CARMIL1: variants seen among roughly 807,000 people sequenced by gnomAD.
CARMIL1 encodes capping protein regulator and myosin 1 linker 1, also known as F-actin-uncapping protein LRRC16A.
Under a neutral mutation model 177.1 loss-of-function variants are expected in CARMIL1, and 90 were observed. The observed-to-expected ratio is 0.51, with a 90% CI of 0.43 to 0.61. CARMIL1 has a LOEUF of 0.61. Among genes scored for constraint, CARMIL1 ranks in the 20% least tolerant of loss-of-function variants. CARMIL1 has a pLI of 0.00. For synonymous variants in CARMIL1, 577 were observed against 606.2 expected, an observed-to-expected ratio of 0.95 and a Z score of 0.71; for missense variants, 1,380 against 1,667.0, an observed-to-expected ratio of 0.83 and a Z score of 3.00.
chr6:25,371,346 G>C (rs1301363384), intron 2 of CARMIL1, among the ~76,000 whole-genome samples: 4 of 152,140 alleles, frequency 2.6e-5, no homozygotes, highest in Non-Finnish European at 5.9e-5. Flanking sequence ...TTTCCATAGA[G>C]GTTGTACTAA....
rs912127399 is a variant in CARMIL1 at position 25,554,845 on chromosome 6, T to C, written c.2592+749T>C. On this transcript the variant is annotated intron_variant, in intron 28 of 36. Coordinates refer to ENST00000329474, the MANE Select transcript of CARMIL1 (RefSeq NM_017640.6). This position sits in a 1 kb window ranked among gnomAD's most constrained non-coding sequence, Gnocchi z 4.6. ...TTTTCTTAACTGTGCGGGATGGAGA[T>C]ACCAGTTTTATGGCATTGAATTGTT... is the stretch of plus-strand genomic sequence containing the variant. Among the ~76,000 whole-genome samples, 1 of 152,218 alleles carries C rather than the reference T, an allele frequency of 6.6e-6. No homozygotes were observed. Among genetic ancestry groups the C allele is most frequent in the South Asian group, 2.1e-4 (1 of 4,832 alleles).
At chr6:25,500,480 C>T (rs1027609782) in intron 17 of CARMIL1, among the ~76,000 whole-genome samples, 3 of 152,072 alleles carry the variant, frequency 2.0e-5, no homozygotes, top group Non-Finnish European at 2.9e-5. Flanking sequence ...TTCTTGGTGC[C>T]TGCTGGCTGA....
At chr6:25,476,484 C>T (rs2150955012) in intron 11 of CARMIL1, among the ~76,000 whole-genome samples, 1 of 152,330 alleles carries the variant, frequency 6.6e-6, no homozygotes, top group East Asian at 1.9e-4. Flanking sequence ...TCATATCTCC[C>T]ACCTTTCTTT....
At chr6:25,520,893 A>G (rs1470155470) in intron 23 of CARMIL1, among the ~76,000 whole-genome samples, 3 of 152,080 alleles carry the variant, frequency 2.0e-5, no homozygotes, top group African/African-American at 7.2e-5. Context: ...CCTCTGAATC[A>G]TTCCCTTGCT....
intron 11 of CARMIL1, among the ~76,000 whole-genome samples, chr6:25,480,911 G>A (rs1377867684): frequency 2.0e-5 from 3 of 151,442 alleles, no homozygotes; most frequent in Non-Finnish European, 4.4e-5. Flanking sequence ...TAGTAGAAAC[G>A]GGGTTTCACC....
At chr6:25,609,248 C>T (rs1384483862) in intron 35 of CARMIL1, among the ~76,000 whole-genome samples, 5 of 151,916 alleles carry the variant, frequency 3.3e-5, no homozygotes, top group African/African-American at 9.7e-5. Flanking sequence ...GGGTGGATCA[C>T]GAGGTCAGGA....
chr6:25,422,580 T>C (rs1003913014), intron 3 of CARMIL1, among the ~76,000 whole-genome samples: 4 of 152,218 alleles, frequency 2.6e-5, no homozygotes, highest in African/African-American at 4.8e-5. Flanking sequence ...ATGTTTATTA[T>C]GTTTTATAAA....
intron 34 of CARMIL1, among the ~76,000 whole-genome samples, 166 bp from the exon 35 acceptor site, chr6:25,605,895 T>C (rs149140223): frequency 1.3e-5 from 2 of 152,350 alleles, no homozygotes; most frequent in African/African-American, 4.8e-5. Context: ...TCCTCCAGCA[T>C]GTTTTGATTT....
chr6:25,618,006 A>G (rs1759423864), intron 36 of CARMIL1, among the ~76,000 whole-genome samples: 3 of 152,168 alleles, frequency 2.0e-5, no homozygotes, highest in African/African-American at 2.4e-5. Flanking sequence ...AGAAGTCACA[A>G]TTTAAGAAAT....
intron 2 of CARMIL1, among the ~76,000 whole-genome samples, chr6:25,304,391 T>G (rs1441496940): frequency 6.6e-6 from 1 of 152,198 alleles, no homozygotes; most frequent in Non-Finnish European, 1.5e-5. Flanking sequence ...ACCTTTTTGG[T>G]ACCAGGGAGT....
intron 11 of CARMIL1, among the ~76,000 whole-genome samples, chr6:25,475,785 G>A (rs991893915): frequency 1.3e-5 from 2 of 152,126 alleles, no homozygotes; most frequent in African/African-American, 2.4e-5. Context: ...CCCGTTGTCC[G>A]CTTCATGTTC....
intron 36 of CARMIL1, 112 bp downstream of exon 36, chr6:25,610,293 C>T: frequency 1.6e-6 from 2 of 1,248,766 alleles, no homozygotes; most frequent in Non-Finnish European, 2.1e-6. Context: ...TTGTTAAAGT[C>T]AACATTGCTT....
At chr6:25,517,477 G>A in intron 22 of CARMIL1, 62 bp downstream of exon 22, 1 of 1,281,856 alleles carries the variant, frequency 7.8e-7, no homozygotes, top group South Asian at 1.2e-5. Context: ...TGGTATATAT[G>A]TTACCTGTTG....
intron 4 of CARMIL1, among the ~76,000 whole-genome samples, chr6:25,434,910 T>G (rs1562131159): frequency 6.6e-6 from 1 of 152,202 alleles, no homozygotes; most frequent in Non-Finnish European, 1.5e-5. Flanking sequence ...AACATTTTAT[T>G]TAAGCATATG....
Position 25,529,755 on chromosome 6 carries a change from C to CAAAAAAAAAAA in CARMIL1, c.2067+882_2067+892dup, listed in dbSNP as rs70977217. On this transcript the variant is annotated intron_variant, in intron 24 of 36. Coordinates refer to ENST00000329474, the MANE Select transcript of CARMIL1 (RefSeq NM_017640.6). ...GGGCGACAGAGCGAGACTCCGTCTCCAAAAAAAAAAAAAAAAAAAAAAAAA... is the reference window on the plus strand; with the variant it reads ...GGGCGACAGAGCGAGACTCCGTCTCCAAAAAAAAAAAAAAAAAAAAAAAAAAAAAAAAAAAA... 7.2e-3 allele frequency among the ~76,000 whole-genome samples: 239 copies of CAAAAAAAAAAA among 33,076 alleles called. 16 individuals are homozygous for CAAAAAAAAAAA. The highest frequency in any genetic ancestry group is 0.021 in the Middle Eastern group (1 of 48). 21.7% of individuals were successfully genotyped at this position (33,076 alleles called of 152,430 possible). A position where few individuals can be genotyped will look rare whatever the true frequency, so the allele number is the denominator to read the frequency against.
rs763394614 is a variant in CARMIL1, at chr6:25,326,515, G to C, written c.138+41606G>C. 4.1e-4 allele frequency among the ~76,000 whole-genome samples: 63 copies of C among 152,210 alleles called. No homozygotes were observed. Among genetic ancestry groups the C allele is most frequent in the Non-Finnish European group, 7.3e-4 (50 of 68,044 alleles). ...AGTGAGAGGTCAGGCTTGGTCTAGG[G>C]CAGTGCTTCTCAATGTGTGGTCTCA... On this transcript the variant is annotated intron_variant, in intron 2 of 36. Transcript: ENST00000329474. The surrounding 1 kb of genome is among the most constrained non-coding windows in gnomAD (Gnocchi z 4.2).
At chr6:25,393,577 A>G (rs944887489) in intron 2 of CARMIL1, 1 of 149,804 alleles carries the variant, frequency 6.7e-6, no homozygotes, top group Non-Finnish European at 1.5e-5. Context: ...AAAAAAAATC[A>G]TGGTTAAGTT....
At chr6:25,347,070 A>G (rs1469967042) in intron 2 of CARMIL1, among the ~76,000 whole-genome samples, 2 of 152,226 alleles carry the variant, frequency 1.3e-5, no homozygotes, top group Non-Finnish European at 2.9e-5. Flanking sequence ...GGATGGGGCA[A>G]CTTAACATGC....
intron 26 of CARMIL1, among the ~76,000 whole-genome samples, chr6:25,543,458 C>A (rs1158767522): frequency 6.6e-6 from 1 of 152,122 alleles, no homozygotes; most frequent in East Asian, 1.9e-4. Flanking sequence ...TTCAGAATGA[C>A]AACACTCCCC....
Sources: allele counts gnomAD v4.1 joint callset (sites outside exome capture counted in the v4.1 genomes callset), GRCh38; gene constraint gnomAD v4.1.1; non-coding constraint Gnocchi (gnomAD v3.1); transcripts MANE v1.5; gene names NCBI Gene and HGNC (gene_info 2026-07-23, HGNC 2026-07-21).